Variants in GLB1 observed in about 807,000 individuals in gnomAD.
GLB1 encodes beta-galactosidase.
Under a neutral mutation model 74.0 loss-of-function variants are expected in GLB1, and 56 were observed. That is an observed-to-expected ratio of 0.76 (90% CI 0.61 to 0.94). The LOEUF (loss-of-function observed/expected upper bound fraction) is 0.94, where lower values mean the gene tolerates loss of function less well. Ranked by LOEUF, GLB1 falls within the 40% of genes least tolerant of loss-of-function variation. GLB1 has a pLI of 0.00. For missense variants in GLB1, 787 were observed against 845.5 expected (o/e 0.93, Z 0.86); for synonymous variants, 323 against 323.6 (o/e 1.00, Z 0.02).
chr3:33,017,950 G>C (rs1697301921), intron 13 of GLB1, among the ~76,000 whole-genome samples: 1 of 152,058 alleles, frequency 6.6e-6, no homozygotes, highest in Non-Finnish European at 1.5e-5. Flanking sequence ...ACATGCATGA[G>C]GCCTCACAGC....
At chr3:32,974,234 G>A in the GLB1 span, among the ~76,000 whole-genome samples, 236 of 152,250 alleles carry the variant, frequency 1.6e-3, 2 homozygotes, top group African/African-American at 5.2e-3. Flanking sequence ...ACTGGAAGGA[G>A]TCTTAGACTG....
chr3:32,994,387 T>C (rs141238347), downstream of GLB1, among the ~76,000 whole-genome samples: 4 of 152,232 alleles, frequency 2.6e-5, no homozygotes, highest in African/African-American at 9.6e-5. Context: ...AGATAGTAGG[T>C]AATAAAAGTA....
intron 6 of GLB1, 58 bp downstream of exon 6, chr3:33,058,030 CA>C: frequency 6.2e-7 from 1 of 1,605,056 alleles, no homozygotes; most frequent in South Asian, 1.1e-5. Flanking sequence ...CTGCCCAGAG[CA>C]ACTGACTGAG....
At chr3:32,978,097 G>A in the GLB1 span, among the ~76,000 whole-genome samples, 1 of 152,226 alleles carries the variant, frequency 6.6e-6, no homozygotes, top group African/African-American at 2.4e-5. Context: ...CTGTGGTTAA[G>A]CTGATGGGAG....
At chr3:33,091,086 C>G (rs1257504116) in intron 1 of GLB1, 3 of 985,190 alleles carry the variant, frequency 3.0e-6, no homozygotes, top group Non-Finnish European at 3.6e-6. Context: ...ATCTAGCCCA[C>G]CTGGTGAAAT....
chr3:32,970,004 C>T, the GLB1 span, among the ~76,000 whole-genome samples: 3 of 152,176 alleles, frequency 2.0e-5, no homozygotes, highest in African/African-American at 7.2e-5. Flanking sequence ...TTCATTTGCA[C>T]CTTTTCAGGA....
the GLB1 span, among the ~76,000 whole-genome samples, chr3:32,967,761 A>AG: frequency 1.3e-5 from 2 of 152,204 alleles, no homozygotes; most frequent in Non-Finnish European, 2.9e-5. Flanking sequence ...CCTCAGGGCC[A>AG]GGGGAGACCT....
At chr3:33,087,388 G>A (rs565613146) in intron 1 of GLB1, among the ~76,000 whole-genome samples, 1 of 152,208 alleles carries the variant, frequency 6.6e-6, no homozygotes, top group East Asian at 1.9e-4. Flanking sequence ...TGGCCAACAT[G>A]GTGAAACCCC....
the GLB1 span, among the ~76,000 whole-genome samples, chr3:32,970,227 G>A: frequency 6.6e-6 from 1 of 152,202 alleles, no homozygotes; most frequent in Non-Finnish European, 1.5e-5. Context: ...GTAAAGTGGA[G>A]TGCATGAACC....
At chr3:33,035,430 T>C (rs1575433649) in intron 10 of GLB1, among the ~76,000 whole-genome samples, 1 of 150,318 alleles carries the variant, frequency 6.7e-6, no homozygotes, top group East Asian at 1.9e-4. Context: ...AGACACTGTC[T>C]CAAAAAAAAA....
chr3:33,056,970 G>A (rs1699248988), intron 6 of GLB1, among the ~76,000 whole-genome samples: 2 of 152,178 alleles, frequency 1.3e-5, no homozygotes, highest in African/African-American at 4.8e-5. Flanking sequence ...TTTAGCTGTT[G>A]ATATGGTTTG....
chr3:32,973,591 C>T, the GLB1 span, among the ~76,000 whole-genome samples: 3 of 152,050 alleles, frequency 2.0e-5, no homozygotes, highest in African/African-American at 7.2e-5. Flanking sequence ...AGTGATCTGC[C>T]CGCCTTGGCC....
chr3:33,017,690 C>T (rs908333040), intron 13 of GLB1, among the ~76,000 whole-genome samples: 4 of 152,138 alleles, frequency 2.6e-5, no homozygotes, highest in African/African-American at 4.8e-5. Context: ...ATAGTTGTCA[C>T]GAGCAGTCCT....
intron 1 of GLB1, chr3:33,092,238 T>G: frequency 1.0e-6 from 1 of 985,730 alleles, no homozygotes; most frequent in Non-Finnish European, 1.2e-6. Context: ...GGAGGAGCTT[T>G]GCATTCCAGT....
At chr3:33,021,434 T>C (rs1393592100) in intron 12 of GLB1, 132 bp downstream of exon 12, 10 of 967,940 alleles carry the variant, frequency 1.0e-5, no homozygotes, top group Non-Finnish European at 1.6e-5. Context: ...AAATTCATGG[T>C]TCATTTACCT....
intron 15 of GLB1, among the ~76,000 whole-genome samples, chr3:32,999,004 A>G (rs1043260910): frequency 6.6e-6 from 1 of 152,014 alleles, no homozygotes; most frequent in Non-Finnish European, 1.5e-5. Flanking sequence ...CATACCAGTC[A>G]TTGGGGACAA....
chr3:33,015,742 G>T (rs79850886), intron 14 of GLB1, among the ~76,000 whole-genome samples: 2,235 of 152,264 alleles, frequency 0.015, 64 homozygotes, highest in African/African-American at 0.051. Flanking sequence ...TGGAGGCAAA[G>T]GTGGCCTGCA....
intron 15 of GLB1, among the ~76,000 whole-genome samples, chr3:33,013,571 G>A (rs950327577): frequency 2.0e-5 from 3 of 152,092 alleles, no homozygotes; most frequent in African/African-American, 7.2e-5. Flanking sequence ...ACGACAAGGC[G>A]GAGTGACTGG....
At chr3:33,024,975 C>T (rs11720449) in intron 10 of GLB1, among the ~76,000 whole-genome samples, 21,522 of 150,442 alleles carry the variant, frequency 0.14, 1,833 homozygotes, top group Non-Finnish European at 0.19. Context: ...GACGAAGTCT[C>T]GGTCTTGTTG....
Sources: gnomAD v4.1 joint callset for allele counts (sites outside exome capture counted in the v4.1 genomes callset) on GRCh38, gnomAD v4.1.1 for gene constraint, MANE v1.5 for transcripts, NCBI Gene and HGNC (gene_info 2026-07-23, HGNC 2026-07-21) for gene names.